The following NTNG2 variants were observed in gnomAD, a reference collection of about 807,000 sequenced individuals.
The protein encoded by NTNG2 is netrin G2, also known as netrin-G2.
In NTNG2, 15 loss-of-function variants were observed where a neutral mutation model predicts 47.6. The observed-to-expected ratio is 0.32, with a 90% CI of 0.21 to 0.49. NTNG2 has a LOEUF of 0.49. Ranked by LOEUF, NTNG2 falls within the 20% of genes least tolerant of loss-of-function variation. NTNG2 has a pLI of 0.99. For missense variants in NTNG2, 578 were observed against 764.6 expected (o/e 0.76, Z 2.88); for synonymous variants, 307 against 324.6 (o/e 0.95, Z 0.58).
intron 2 of NTNG2, among the ~76,000 whole-genome samples, chr9:132,188,384 A>C (rs1007008437): frequency 1.4e-4 from 22 of 152,240 alleles, no homozygotes; most frequent in Admixed American, 4.6e-4. Context: ...CGGCCCAGGC[A>C]ACAGCGTCCT....
rs986681096 is a variant in NTNG2 at position 132,215,566 on chromosome 9, C to T, written c.858-11283C>T. 7.2e-5 allele frequency among the ~76,000 whole-genome samples: 11 copies of T among 152,086 alleles called. No homozygotes were observed. Among genetic ancestry groups the T allele is most frequent in the Admixed American group, 2.0e-4 (3 of 15,268 alleles). ...CTGCACTCCGGTCTAGATGACAAAG[C>T]GAGATTCCATCTCAAAATAAGTAAA... On this transcript the variant is annotated intron_variant, in intron 3 of 7. Coordinates refer to ENST00000393229, the MANE Select transcript of NTNG2 (RefSeq NM_032536.4). The surrounding 1 kb of genome is among the most constrained non-coding windows in gnomAD (Gnocchi z 4.2).
Position 132,243,330 on chromosome 9 carries a change from A to T in NTNG2, c.*1219A>T, listed in dbSNP as rs1159473300. The stretch of plus-strand genomic sequence containing the variant: ...GAGTTTCAGATGGCCAGGTGGGCAG[A>T]GGCGGGCAGTGCAGAGACCCCAGAC... On this transcript the variant is annotated 3_prime_UTR_variant, in exon 8 of 8. Coordinates refer to ENST00000393229, the MANE Select transcript of NTNG2 (RefSeq NM_032536.4). 6.6e-6 allele frequency: 1 copy of T among 152,260 alleles called. No homozygotes were observed. Among genetic ancestry groups the T allele is most frequent in the Non-Finnish European group, 1.5e-5 (1 of 68,084 alleles). The allele number at this position is 152,260 out of a possible 1,614,324, so 9.4% of individuals were successfully genotyped here. A position where few individuals can be genotyped will look rare whatever the true frequency, so the allele number is the denominator to read the frequency against.
intron 2 of NTNG2, among the ~76,000 whole-genome samples, chr9:132,168,900 C>G (rs941965517): frequency 2.0e-5 from 3 of 152,300 alleles, no homozygotes; most frequent in Admixed American, 6.5e-5. Context: ...GGAGATGACC[C>G]TCAGAGTCAA....
At chr9:132,193,491 C>T (rs1348736394) in intron 2 of NTNG2, among the ~76,000 whole-genome samples, 1 of 152,232 alleles carries the variant, frequency 6.6e-6, no homozygotes, top group Non-Finnish European at 1.5e-5. Context: ...AGCACAGGCT[C>T]TGAGGTGGGA....
chr9:132,202,050 G>A (rs1057213964), intron 3 of NTNG2, among the ~76,000 whole-genome samples: 10 of 152,246 alleles, frequency 6.6e-5, no homozygotes, highest in Non-Finnish European at 1.2e-4. Context: ...GCTGTCCCTA[G>A]CCCTGGCCCG....
chr9:132,242,033 G>T lies in NTNG2; in HGVS notation c.1515G>T (p.Ala505=), dbSNP rs769671964. 4.7e-6 allele frequency: 6 copies of T among 1,290,086 alleles called. No homozygotes were observed. In the Admixed American group the frequency reaches 2.5e-4, roughly 53 times the overall value. The allele number at this position is 1,290,086 out of a possible 1,614,324, so 79.9% of individuals were successfully genotyped here. A position where few individuals can be genotyped will look rare whatever the true frequency, so the allele number is the denominator to read the frequency against. The part of the protein sequence containing the change: ...DDDGGLDCDR[A]PGAAPRPATL... ...ACGGCGGTCTGGACTGCGACCGCGCGCCCGGGGCCGCCCCGCGCCCCGCCA... is the reference window on the plus strand; with the variant it reads ...ACGGCGGTCTGGACTGCGACCGCGCTCCCGGGGCCGCCCCGCGCCCCGCCA... The change falls in exon 8 of 8, where the codon GCG becomes GCT. Residue 505 remains alanine (A), a synonymous_variant. Transcript: ENST00000393229. This position sits in a 1 kb window ranked among gnomAD's most constrained non-coding sequence, Gnocchi z 5.9.
rs1336536224 is a variant in NTNG2 at position 132,198,538 on chromosome 9, C to A, written c.786C>A (p.Gly262=). The A allele has an allele frequency of 1.2e-6, 2 of 1,613,090 alleles. No individual in the cohort carries two copies. Among genetic ancestry groups the A allele is most frequent in the Admixed American group, 1.7e-5 (1 of 60,026 alleles). Residue 262 remains glycine (G), a synonymous_variant, in exon 3 of 8, where the codon GGC becomes GGA. Transcript: ENST00000393229. Reference sequence around the variant, plus strand: ...TGCGGCTGCTGCGCCCGGCGCTGGGCGGCACCTATGTGCAGCGGGAGAACC... The same window carrying A: ...TGCGGCTGCTGCGCCCGGCGCTGGGAGGCACCTATGTGCAGCGGGAGAACC... The part of the protein sequence containing the change: ...LRMRLLRPAL[G]GTYVQRENLY...
rs1000217325 is a variant in NTNG2 at position 132,163,596 on chromosome 9, G to GGAGGGA, written c.-484+1364_-484+1369dup. On this transcript the variant is annotated intron_variant, in intron 1 of 7. Coordinates refer to ENST00000393229, the MANE Select transcript of NTNG2 (RefSeq NM_032536.4). This position sits in a 1 kb window ranked among gnomAD's most constrained non-coding sequence, Gnocchi z 7.2. ...CACCCCCCTCTGCCGCCCCTGCCGA[G>GGAGGGA]GAGGGAGAGGGAACCCCGGGGTGGG... Among the ~76,000 whole-genome samples, 5 of 152,230 alleles carry GGAGGGA rather than the reference G, an allele frequency of 3.3e-5. No homozygotes were observed. The highest frequency in any genetic ancestry group is 6.5e-5 in the Admixed American group (1 of 15,308).
chr9:132,172,007 A>G (rs1185978644), intron 2 of NTNG2, among the ~76,000 whole-genome samples: 1 of 152,224 alleles, frequency 6.6e-6, no homozygotes, highest in East Asian at 1.9e-4. Context: ...AAAACACTAC[A>G]GACATTGAAG....
At position 132,167,560 on chromosome 9, in the gene NTNG2, CAG is replaced by C. The variant is rs1835588634; in HGVS notation, c.213+519_213+520del. Among the ~76,000 whole-genome samples, 4 of 152,324 alleles carry C rather than the reference CAG, an allele frequency of 2.6e-5. No individual in the cohort carries two copies. The South Asian group carries it at 6.2e-4, about 24-fold the overall frequency. On this transcript the variant is annotated intron_variant, in intron 2 of 7. Transcript: ENST00000393229. The stretch of plus-strand genomic sequence containing the variant: ...TGCATGGGGAGGTTTGACGGAGGCT[CAG>C]AGGGGATTCACGCAGGATGAAGTTG...
intron 3 of NTNG2, among the ~76,000 whole-genome samples, chr9:132,216,414 C>CTCTCTCTCTCTCTCTGTGTGTGTG (rs1554790515): frequency 9.1e-6 from 1 of 110,288 alleles, no homozygotes; most frequent in Admixed American, 9.0e-5. Context: ...CTCTCTCTCT[C>CTCTCTCTCTCTCTCTGTGTGTGTG]TGTGTGTGTG....
chr9:132,242,028 C>T lies in NTNG2; in HGVS notation c.1510C>T (p.Arg504Cys), dbSNP rs1386201164. ...ADDDGGLDCD[R>C]APGAAPRPAT... is the part of the protein sequence containing the mutation. Reference sequence around the variant, plus strand: ...CGATGACGGCGGTCTGGACTGCGACCGCGCGCCCGGGGCCGCCCCGCGCCC... The same window carrying T: ...CGATGACGGCGGTCTGGACTGCGACTGCGCGCCCGGGGCCGCCCCGCGCCC... The change falls in exon 8 of 8, where the codon CGC (arginine) becomes TGC (cysteine). Residue 504 changes from arginine (R) to cysteine (C), a missense_variant. Transcript: ENST00000393229. The surrounding 1 kb of genome is among the most constrained non-coding windows in gnomAD (Gnocchi z 5.9). 2.2e-6 allele frequency: 3 copies of T among 1,333,996 alleles called. No homozygotes were observed. The highest frequency in any genetic ancestry group is 1.9e-6 in the Non-Finnish European group (2 of 1,046,150). 82.6% of individuals were successfully genotyped at this position (1,333,996 alleles called of 1,614,324 possible).
chr9:132,197,874 G>T lies in NTNG2; in HGVS notation c.214-92G>T. 7.9e-7 allele frequency: 1 copy of T among 1,270,774 alleles called. No homozygotes were observed. Among genetic ancestry groups the T allele is most frequent in the East Asian group, 2.4e-5 (1 of 41,304 alleles). The allele number at this position is 1,270,774 out of a possible 1,614,324, so 78.7% of individuals were successfully genotyped here. A position where few individuals can be genotyped will look rare whatever the true frequency, so the allele number is the denominator to read the frequency against. On this transcript the variant is annotated intron_variant, in intron 2 of 7. Coordinates refer to ENST00000393229, the MANE Select transcript of NTNG2 (RefSeq NM_032536.4). This position sits in a 1 kb window ranked among gnomAD's most constrained non-coding sequence, Gnocchi z 4.3. ...CCTGTAGCCACAGAGCAGGTTTCTC[G>T]GTTCGCAGGCAGGGGCTAGGCCGCG...
Position 132,242,014 on chromosome 9 carries a change from G to T in NTNG2, c.1496G>T (p.Gly499Val), listed in dbSNP as rs2131065307. Residue 499 changes from glycine to valine, a missense_variant, in exon 8 of 8, where the codon GGT becomes GTT. Gly to Val is a moderately radical substitution (Grantham distance 109). Coordinates refer to ENST00000393229, the MANE Select transcript of NTNG2 (RefSeq NM_032536.4). This position sits in a 1 kb window ranked among gnomAD's most constrained non-coding sequence, Gnocchi z 5.9. ...PRCDPADDDG[G>V]LDCDRAPGAA... ...TGCGACCCCGCCGACGATGACGGCG[G>T]TCTGGACTGCGACCGCGCGCCCGGG... The T allele has an allele frequency of 7.0e-7, 1 of 1,429,898 alleles. No individual in the cohort carries two copies. The highest frequency in any genetic ancestry group is 9.1e-7 in the Non-Finnish European group (1 of 1,096,298). 88.6% of individuals were successfully genotyped at this position (1,429,898 alleles called of 1,614,324 possible).
At chr9:132,168,751 G>A (rs1835681011) in intron 2 of NTNG2, among the ~76,000 whole-genome samples, 1 of 152,150 alleles carries the variant, frequency 6.6e-6, no homozygotes, top group Non-Finnish European at 1.5e-5. Context: ...CACGCTCTCG[G>A]GCACGGTCAA....
At chr9:132,237,491 T>C (rs977960599) in intron 5 of NTNG2, among the ~76,000 whole-genome samples, 4 of 152,172 alleles carry the variant, frequency 2.6e-5, no homozygotes, top group Non-Finnish European at 5.9e-5. Context: ...AGCCCAAATC[T>C]CCTCAAGTGA....
At position 132,162,907 on chromosome 9, in the gene NTNG2, G is replaced by A. The variant is rs1047445622; in HGVS notation, c.-484+668G>A. Among the ~76,000 whole-genome samples, 2 of 152,118 alleles carry A rather than the reference G, an allele frequency of 1.3e-5. No individual in the cohort carries two copies. Among genetic ancestry groups the A allele is most frequent in the African/African-American group, 2.4e-5 (1 of 41,432 alleles). ...CCTGGAACTGAGCGGCGCGCAGGTG[G>A]GGGGAGCAGAGGCGGCGGGAAGGCG... is the stretch of plus-strand genomic sequence containing the variant. On this transcript the variant is annotated intron_variant, in intron 1 of 7. Coordinates refer to ENST00000393229, the MANE Select transcript of NTNG2 (RefSeq NM_032536.4). This position sits in a 1 kb window ranked among gnomAD's most constrained non-coding sequence, Gnocchi z 4.6.
intron 5 of NTNG2, among the ~76,000 whole-genome samples, chr9:132,234,704 A>AG (rs1841495717): frequency 6.6e-6 from 1 of 152,204 alleles, no homozygotes; most frequent in Non-Finnish European, 1.5e-5. Flanking sequence ...CGGAGGATGG[A>AG]GGGAGACAGG....
At chr9:132,189,064 C>CGTTTTTTTTTTTT (rs1837636142) in intron 2 of NTNG2, among the ~76,000 whole-genome samples, 2 of 61,752 alleles carry the variant, frequency 3.2e-5, no homozygotes, top group East Asian at 4.4e-4. Context: ...GGCTTTAAGC[C>CGTTTTTTTTTTTT]TTTCTTTTTT....
Sources: gnomAD v4.1 joint callset for allele counts (sites outside exome capture counted in the v4.1 genomes callset) on GRCh38, gnomAD v4.1.1 for gene constraint, Gnocchi (gnomAD v3.1) non-coding constraint, MANE v1.5 for transcripts, NCBI Gene and HGNC (gene_info 2026-07-23, HGNC 2026-07-21) for gene names.